Variants in CLCA4 observed in about 807,000 individuals in gnomAD.
CLCA4 encodes chloride channel accessory 4, also known as calcium-activated chloride channel regulator 4.
In CLCA4, 69 loss-of-function variants were observed where a neutral mutation model predicts 78.9. That is an observed-to-expected ratio of 0.87 (90% CI 0.72 to 1.07). The LOEUF (loss-of-function observed/expected upper bound fraction) is 1.07. CLCA4 is among the 50% of genes least tolerant of loss of function. CLCA4 has a pLI of 0.00. For synonymous variants in CLCA4, 362 were observed against 375.8 expected, an observed-to-expected ratio of 0.96 and a Z score of 0.42; for missense variants, 1,133 against 1,095.8, an observed-to-expected ratio of 1.03 and a Z score of -0.48.
chr1:86,558,174 G>A (rs1194002028), intron 1 of CLCA4, among the ~76,000 whole-genome samples: 1 of 152,090 alleles, frequency 6.6e-6, no homozygotes, highest in Non-Finnish European at 1.5e-5. Context: ...TTTAAGTGGG[G>A]CATTTGGCCC....
chr1:86,557,398 G>T (rs1345997151), intron 1 of CLCA4, among the ~76,000 whole-genome samples: 2 of 151,972 alleles, frequency 1.3e-5, no homozygotes, highest in African/African-American at 2.4e-5. Context: ...CAGGGATTCT[G>T]GTATGTTGTA....
At chr1:86,557,023 G>T (rs1649869030) in intron 1 of CLCA4, among the ~76,000 whole-genome samples, 1 of 152,072 alleles carries the variant, frequency 6.6e-6, no homozygotes, top group Admixed American at 6.6e-5. Flanking sequence ...TTTTATTTCT[G>T]AGGGGTCAGC....
At chr1:86,561,462 T>C (rs1430797511) in intron 3 of CLCA4, among the ~76,000 whole-genome samples, 1 of 152,202 alleles carries the variant, frequency 6.6e-6, no homozygotes, top group African/African-American at 2.4e-5. Flanking sequence ...AGTGACATGA[T>C]TATAACAACA....
At chr1:86,566,056 T>C in intron 6 of CLCA4, 36 bp downstream of exon 6, 2 of 1,569,118 alleles carry the variant, frequency 1.3e-6, no homozygotes, top group Non-Finnish European at 8.7e-7. Flanking sequence ...GGATGTAGGA[T>C]ATTTGAAGAT....
intron 1 of CLCA4, among the ~76,000 whole-genome samples, chr1:86,558,719 ACATGAGAACTTACAT>A (rs1314672830): frequency 7.4e-4 from 112 of 152,308 alleles, no homozygotes; most frequent in Non-Finnish European, 1.8e-4. Flanking sequence ...CCATCAGATC[ACATGAGAACTTACAT>A]CATGAGAACA....
chr1:86,553,575 C>A (rs1649733359), intron 1 of CLCA4, among the ~76,000 whole-genome samples: 1 of 152,196 alleles, frequency 6.6e-6, no homozygotes, highest in Non-Finnish European at 1.5e-5. Context: ...CAGCGCGGGG[C>A]CTTTACCCTT....
At chr1:86,562,922 T>A (rs1650068109) in intron 3 of CLCA4, among the ~76,000 whole-genome samples, 1 of 151,464 alleles carries the variant, frequency 6.6e-6, no homozygotes, top group South Asian at 2.1e-4. Flanking sequence ...CTGTGGTGTA[T>A]TTTCCTCCCA....
At chr1:86,557,562 G>A (rs1452367064) in intron 1 of CLCA4, among the ~76,000 whole-genome samples, 6 of 152,066 alleles carry the variant, frequency 3.9e-5, no homozygotes, top group Non-Finnish European at 7.4e-5. Context: ...TTTTTATTGT[G>A]CTGTGGTTTG....
chr1:86,573,168 G>A (rs933778772), intron 9 of CLCA4, among the ~76,000 whole-genome samples: 9 of 151,918 alleles, frequency 5.9e-5, no homozygotes, highest in South Asian at 2.1e-4. Flanking sequence ...AATAAATTAA[G>A]CAGGAGAAAG....
intron 7 of CLCA4, among the ~76,000 whole-genome samples, chr1:86,570,211 C>T (rs796761944): frequency 2.6e-5 from 4 of 152,074 alleles, no homozygotes; most frequent in East Asian, 1.9e-4. Context: ...TACACACACA[C>T]CTTCACTCCA....
chr1:86,551,583 C>A (rs1649664798), intron 1 of CLCA4, among the ~76,000 whole-genome samples: 1 of 152,186 alleles, frequency 6.6e-6, no homozygotes, highest in Non-Finnish European at 1.5e-5. Flanking sequence ...TCATTCTAGA[C>A]TTCAGCCTTA....
chr1:86,563,235 T>A (rs1050781646), intron 3 of CLCA4, among the ~76,000 whole-genome samples: 10 of 150,948 alleles, frequency 6.6e-5, no homozygotes, highest in Non-Finnish European at 1.2e-4. Context: ...TTGCATTGAA[T>A]ATATATATAT....
chr1:86,560,010 A>G lies in CLCA4; in HGVS notation c.238A>G (p.Ile80Val). Residue 80 changes from isoleucine (I) to valine (V), a missense_variant, in exon 2 of 14, where the codon ATT (isoleucine) becomes GTT (valine). By Grantham distance (29) the Ile-to-Val change is conservative. Coordinates refer to ENST00000370563, the MANE Select transcript of CLCA4 (RefSeq NM_012128.4). ...RFFFKNVSIL[I>V]PENWKENPQY... ...TTTTTTCAAAAATGTATCTATATTA[A>G]TTCCTGAGAATTGGAAGGAAAATCC... The G allele has an allele frequency of 6.2e-7, 1 of 1,609,508 alleles. No individual in the cohort carries two copies. The highest frequency in any genetic ancestry group is 8.5e-7 in the Non-Finnish European group (1 of 1,177,826).
intron 1 of CLCA4, among the ~76,000 whole-genome samples, chr1:86,553,598 A>G (rs569149050): frequency 6.8e-4 from 103 of 151,998 alleles, no homozygotes; most frequent in African/African-American, 2.3e-3. Flanking sequence ...AAAACAATCA[A>G]CTCTGCTTAG....
At chr1:86,563,561 A>G (rs78493190) in intron 3 of CLCA4, 100 bp from the exon 4 acceptor site, 8,222 of 560,004 alleles carry the variant, frequency 0.015, 546 homozygotes, top group African/African-American at 0.14. Flanking sequence ...TGAAAACCGA[A>G]ATCTAAATAT....
chr1:86,560,229 C>A lies in CLCA4; in HGVS notation c.319C>A (p.Pro107Thr). Residue 107 changes from proline (P) to threonine (T), a missense_variant, in exon 3 of 14, where the codon CCA (proline) becomes ACA (threonine). Transcript: ENST00000370563. ...TTCTCAGGCTGATGTTATAGTTGCA[C>A]CACCTACACTCCCAGGTAGAGATGA... ...NHKHADVIVA[P>T]PTLPGRDEPY... The A allele has an allele frequency of 5.0e-6, 8 of 1,610,120 alleles. No individual in the cohort carries two copies. The highest frequency in any genetic ancestry group is 6.8e-6 in the Non-Finnish European group (8 of 1,178,962).
At position 86,575,677 on chromosome 1, in the gene CLCA4, A is replaced by G. The variant is rs1570337596; in HGVS notation, c.1951+78A>G. The G allele has an allele frequency of 2.3e-6, 3 of 1,298,436 alleles. No homozygotes were observed. The East Asian group carries it at 7.0e-5, about 30-fold the overall frequency. 80.4% of individuals were successfully genotyped at this position (1,298,436 alleles called of 1,614,324 possible). ...GTGAGTCCCTGTGGCATTGTGGAGC[A>G]GTAAGACAGGCAACAGAATTGATGC... On this transcript the variant is annotated intron_variant, in intron 11 of 13. Coordinates refer to ENST00000370563, the MANE Select transcript of CLCA4 (RefSeq NM_012128.4).
intron 6 of CLCA4, among the ~76,000 whole-genome samples, chr1:86,566,836 G>A (rs1650204086): frequency 3.3e-5 from 5 of 151,980 alleles, no homozygotes; most frequent in Admixed American, 2.0e-4. Context: ...TGGGTCCTGA[G>A]GGTTACCAAA....
chr1:86,561,575 T>C (rs919020321), intron 3 of CLCA4, among the ~76,000 whole-genome samples: 5 of 152,168 alleles, frequency 3.3e-5, no homozygotes, highest in Admixed American at 3.3e-4. Context: ...TTCTAAAATG[T>C]CTACCAATTT....
Sources: allele counts gnomAD v4.1 joint callset (sites outside exome capture counted in the v4.1 genomes callset), GRCh38; gene constraint gnomAD v4.1.1; transcripts MANE v1.5; gene names NCBI Gene and HGNC (gene_info 2026-07-23, HGNC 2026-07-21).